The following STXBP6 variants were observed in gnomAD, a reference collection of about 807,000 sequenced individuals.
STXBP6 encodes syntaxin binding protein 6, also known as syntaxin-binding protein 6.
Under a neutral mutation model 26.9 loss-of-function variants are expected in STXBP6, and 21 were observed. The observed-to-expected ratio is 0.78, with a 90% confidence interval of 0.55 to 1.12. The LOEUF is 1.12. Among genes scored for constraint, STXBP6 ranks in the 50% most tolerant of loss-of-function variants. The pLI is 0.00. For synonymous variants in STXBP6, 97 were observed against 92.6 expected, an observed-to-expected ratio of 1.05 and a Z score of -0.27; for missense variants, 232 against 257.9, an observed-to-expected ratio of 0.90 and a Z score of 0.69.
chr14:24,858,759 T>A (rs1056542759), intron 2 of STXBP6, among the ~76,000 whole-genome samples: 1 of 152,128 alleles, frequency 6.6e-6, no homozygotes, highest in Non-Finnish European at 1.5e-5. Context: ...GGCTGTGACC[T>A]GCTCTTACGT....
chr14:24,892,321 T>A (rs1241612), intron 2 of STXBP6, among the ~76,000 whole-genome samples: 1 of 151,222 alleles, frequency 6.6e-6, no homozygotes, highest in Non-Finnish European at 1.5e-5. Flanking sequence ...ATATTCTAGG[T>A]GCAAATTCTG....
chr14:25,042,165 G>T (rs550259289), intron 1 of STXBP6, among the ~76,000 whole-genome samples: 17 of 152,314 alleles, frequency 1.1e-4, no homozygotes, highest in Non-Finnish European at 2.5e-4. Context: ...AACAGAAACA[G>T]AACAAATTTA....
rs1038326433 is a variant in STXBP6 at position 24,872,211 on chromosome 14, T to C, written c.155-15054A>G. Among the ~76,000 whole-genome samples the C allele has an allele frequency of 2.6e-5, 4 of 152,082 alleles. No individual in the cohort carries two copies. The East Asian group carries it at 7.7e-4, about 29-fold the overall frequency. ...CTCTAGTATGAATAAGAAATCCAAA[T>C]GGGTCTCAGAAGATAAGCATTGAGG... On this transcript the variant is annotated intron_variant, in intron 2 of 5. Transcript: ENST00000323944.
intron 2 of STXBP6, among the ~76,000 whole-genome samples, chr14:24,904,958 G>A (rs1422983734): frequency 6.6e-6 from 1 of 152,188 alleles, no homozygotes; most frequent in Admixed American, 6.5e-5. Flanking sequence ...AAAGGATGTT[G>A]AAAGACCCCA....
chr14:24,912,631 C>T (rs1403127140), intron 2 of STXBP6, among the ~76,000 whole-genome samples: 1 of 152,034 alleles, frequency 6.6e-6, no homozygotes, highest in Admixed American at 6.6e-5. Flanking sequence ...AATAAGGTGA[C>T]CAGGAGTGGC....
Position 24,902,530 on chromosome 14 carries a change from C to T in STXBP6, c.155-45373G>A, listed in dbSNP as rs529148931. Among the ~76,000 whole-genome samples, 20 of 152,144 alleles carry T rather than the reference C, an allele frequency of 1.3e-4. No homozygotes were observed. In the South Asian group the frequency reaches 3.9e-3, roughly 30 times the overall value. ...TCGTTAAGTAACCTAAGAATGAGGACCACCTCATCACCTTTTGGGTAACAT... is the reference window on the plus strand; with the variant it reads ...TCGTTAAGTAACCTAAGAATGAGGATCACCTCATCACCTTTTGGGTAACAT... On this transcript the variant is annotated intron_variant, in intron 2 of 5. Transcript: ENST00000323944.
intron 1 of STXBP6, among the ~76,000 whole-genome samples, chr14:24,993,335 A>G (rs1159132960): frequency 3.9e-5 from 6 of 152,020 alleles, no homozygotes; most frequent in African/African-American, 1.4e-4. Context: ...AGCTTTCTCA[A>G]TCCCTCTCCC....
At chr14:25,003,158 G>A (rs1165026711) in intron 1 of STXBP6, among the ~76,000 whole-genome samples, 1 of 152,134 alleles carries the variant, frequency 6.6e-6, no homozygotes, top group African/African-American at 2.4e-5. Context: ...AAAAGCTCTG[G>A]CCAGTTTCTT....
intron 5 of STXBP6, among the ~76,000 whole-genome samples, chr14:24,818,392 C>A (rs768958246): frequency 9.9e-5 from 15 of 152,142 alleles, no homozygotes; most frequent in Admixed American, 2.6e-4. Flanking sequence ...GTGCAGAGTG[C>A]GCACTCAGTC....
intron 2 of STXBP6, among the ~76,000 whole-genome samples, chr14:24,922,927 T>C (rs2139825857): frequency 6.6e-6 from 1 of 152,246 alleles, no homozygotes; most frequent in South Asian, 2.1e-4. Flanking sequence ...TAATATAATT[T>C]TTCTCTCTCG....
chr14:24,944,211 C>A (rs571510007), intron 2 of STXBP6, among the ~76,000 whole-genome samples: 13 of 152,130 alleles, frequency 8.5e-5, no homozygotes, highest in Non-Finnish European at 1.3e-4. Flanking sequence ...CTCGGAGGAA[C>A]CTATTGAGTT....
At chr14:24,856,177 T>G in intron 3 of STXBP6, 76 bp from the exon 4 acceptor site, 1 of 1,393,562 alleles carries the variant, frequency 7.2e-7, no homozygotes, top group Non-Finnish European at 9.6e-7. Context: ...TGTCAAAAGA[T>G]TTATAAGGGC....
At chr14:24,958,421 T>C (rs1356530432) in intron 2 of STXBP6, among the ~76,000 whole-genome samples, 1 of 152,162 alleles carries the variant, frequency 6.6e-6, no homozygotes, top group Non-Finnish European at 1.5e-5. Flanking sequence ...GCTCATTTTA[T>C]GGGGAAGAAG....
intron 2 of STXBP6, among the ~76,000 whole-genome samples, chr14:24,953,377 AG>A (rs1179158999): frequency 2.0e-5 from 3 of 152,116 alleles, no homozygotes; most frequent in Non-Finnish European, 4.4e-5. Context: ...TATCTTTGAG[AG>A]CCATTATCAG....
At chr14:24,951,028 T>C (rs1345652483) in intron 2 of STXBP6, among the ~76,000 whole-genome samples, 1 of 152,210 alleles carries the variant, frequency 6.6e-6, no homozygotes, top group Non-Finnish European at 1.5e-5. Context: ...CTAACAATGA[T>C]GGTTTCCAGC....
intron 1 of STXBP6, among the ~76,000 whole-genome samples, chr14:25,012,039 C>T (rs1263342786): frequency 2.0e-5 from 3 of 152,034 alleles, no homozygotes; most frequent in African/African-American, 4.8e-5. Context: ...TGCAGTACAA[C>T]GGGACAAAAA....
intron 1 of STXBP6, among the ~76,000 whole-genome samples, chr14:25,034,996 C>A (rs1196405470): frequency 6.6e-6 from 1 of 151,912 alleles, no homozygotes; most frequent in Non-Finnish European, 1.5e-5. Flanking sequence ...ACTACAAATA[C>A]AAAAATTAGT....
intron 2 of STXBP6, among the ~76,000 whole-genome samples, chr14:24,931,134 A>AAAAAAAAAAACAAAAAC (rs1566486307): frequency 1.7e-5 from 2 of 118,004 alleles, no homozygotes; most frequent in Non-Finnish European, 3.4e-5. Context: ...AAAAAAAAAA[A>AAAAAAAAAAACAAAAAC]AAAAAAAACC....
intron 1 of STXBP6, among the ~76,000 whole-genome samples, chr14:25,038,885 T>C (rs2075596967): frequency 1.3e-5 from 2 of 152,108 alleles, no homozygotes; most frequent in Non-Finnish European, 1.5e-5. Context: ...CAGGGAGATG[T>C]TGGTCAAAAG....
Sources: allele counts gnomAD v4.1 joint callset (sites outside exome capture counted in the v4.1 genomes callset), GRCh38; gene constraint gnomAD v4.1.1; transcripts MANE v1.5; gene names NCBI Gene and HGNC (gene_info 2026-07-23, HGNC 2026-07-21).